Variants in BACH2 observed in about 807,000 individuals in gnomAD.
BACH2 encodes BACH transcriptional regulator 2, also known as transcription regulator protein BACH2.
Under a neutral mutation model 61.8 loss-of-function variants are expected in BACH2, and 5 were observed. The observed-to-expected ratio is 0.08, with a 90% CI of 0.04 to 0.17. The LOEUF is 0.17. BACH2 is among the 10% of genes least tolerant of loss of function. The pLI, the probability that BACH2 is intolerant of heterozygous loss-of-function variation, is 1.00. For synonymous variants in BACH2, 446 were observed against 440.1 expected (o/e 1.01, Z -0.17); for missense variants, 824 against 1,091.1 (o/e 0.76, Z 3.45).
intron 7 of BACH2, among the ~76,000 whole-genome samples, chr6:89,947,826 C>T (rs1773837369): frequency 6.6e-6 from 1 of 152,112 alleles, no homozygotes; most frequent in Non-Finnish European, 1.5e-5. Context: ...CCGCCTCGGC[C>T]TCCCAAAGTG....
chr6:89,957,006 A>G (rs1049482029), intron 6 of BACH2, among the ~76,000 whole-genome samples: 1 of 152,224 alleles, frequency 6.6e-6, no homozygotes, highest in Non-Finnish European at 1.5e-5. Context: ...AACACCATGT[A>G]CACTTTCCTG....
In BACH2 at chr6:90,008,815, G is replaced by T. The variant is rs749557818; in HGVS notation, c.30C>A (p.Pro10=). The change falls in exon 6 of 9, where the codon CCC becomes CCA. Residue 10 remains proline (P), a synonymous_variant. Transcript: ENST00000257749. This position sits in a 1 kb window ranked among gnomAD's most constrained non-coding sequence, Gnocchi z 4.1. Reference sequence around the variant, plus strand: ...GGACTGTGGACTCATACACATACATGGGGGAGTCAGGCTTCTCATCCACAG... The same window carrying T: ...GGACTGTGGACTCATACACATACATTGGGGAGTCAGGCTTCTCATCCACAG... MSVDEKPDS[P]MYVYESTVHC... is the part of the protein sequence containing the mutation. 2 of 1,613,972 alleles carry T rather than the reference G, an allele frequency of 1.2e-6. No homozygotes were observed. The highest frequency in any genetic ancestry group is 8.5e-7 in the Non-Finnish European group (1 of 1,180,014).
chr6:90,185,112 A>C lies in BACH2; in HGVS notation c.-162+21457T>G, dbSNP rs183751964. On this transcript the variant is annotated intron_variant, in intron 4 of 8. Coordinates refer to ENST00000257749, the MANE Select transcript of BACH2 (RefSeq NM_021813.4). The stretch of plus-strand genomic sequence containing the variant: ...GGAAGACTGCTATAAACAAATGTGC[A>C]TGTATGCATAGAGCCTGATAAGTCA... 3.4e-3 allele frequency among the ~76,000 whole-genome samples: 513 copies of C among 152,310 alleles called. 3 individuals are homozygous for C. The highest frequency in any genetic ancestry group is 5.9e-3 in the Non-Finnish European group (400 of 68,030).
rs896032955 is a variant in BACH2 at position 89,926,734 on chromosome 6, A to G, written c.*5674T>C. Reference sequence around the variant, plus strand: ...TAAAAATTCTTAGTTACAGAGAATAAGCATCAACAGCCTTTCATTTTTTAC... The same window carrying G: ...TAAAAATTCTTAGTTACAGAGAATAGGCATCAACAGCCTTTCATTTTTTAC... On this transcript the variant is annotated 3_prime_UTR_variant, in exon 9 of 9. Transcript: ENST00000257749. 2.6e-5 allele frequency: 4 copies of G among 152,678 alleles called. No homozygotes were observed. The highest frequency in any genetic ancestry group is 5.9e-5 in the Non-Finnish European group (4 of 68,048). 9.5% of individuals were successfully genotyped at this position (152,678 alleles called of 1,614,324 possible).
chr6:89,988,274 T>G (rs780916389), intron 6 of BACH2, among the ~76,000 whole-genome samples: 13 of 152,204 alleles, frequency 8.5e-5, no homozygotes, highest in Non-Finnish European at 1.6e-4. Flanking sequence ...TTATACAGCA[T>G]TTTTCCAGGC....
chr6:89,969,767 C>T (rs1775259084), intron 6 of BACH2, among the ~76,000 whole-genome samples: 1 of 152,152 alleles, frequency 6.6e-6, no homozygotes, highest in Non-Finnish European at 1.5e-5. Context: ...TGGGAAGAGG[C>T]TGACAGTGCT....
chr6:90,056,350 A>C (rs1007127274), intron 5 of BACH2, among the ~76,000 whole-genome samples: 25 of 152,152 alleles, frequency 1.6e-4, no homozygotes, highest in Non-Finnish European at 2.8e-4. Flanking sequence ...GACTTTAAAC[A>C]AACAAAGATC....
chr6:90,221,077 C>T (rs1769719406), intron 3 of BACH2, among the ~76,000 whole-genome samples: 1 of 152,060 alleles, frequency 6.6e-6, no homozygotes, highest in Non-Finnish European at 1.5e-5. Context: ...AAAAATGAAA[C>T]CTTTGGTATA....
In BACH2 at chr6:90,122,941, TG is replaced by T. The variant is rs748386824; in HGVS notation, c.-161-33833del. Among the ~76,000 whole-genome samples, 18 of 152,290 alleles carry T rather than the reference TG, an allele frequency of 1.2e-4. No homozygotes were observed. In the East Asian group the frequency reaches 2.3e-3, roughly 20 times the overall value. ...AACTTAACGGCAGAGAAAAGTAAAA[TG>T]GTAAATCTAGAATGTTTTGCTTAAC... On this transcript the variant is annotated intron_variant, in intron 4 of 8. Coordinates refer to ENST00000257749, the MANE Select transcript of BACH2 (RefSeq NM_021813.4).
intron 6 of BACH2, among the ~76,000 whole-genome samples, chr6:89,975,917 G>A (rs1775625188): frequency 6.6e-6 from 1 of 152,168 alleles, no homozygotes; most frequent in Non-Finnish European, 1.5e-5. Context: ...TGTGTTTCAG[G>A]AGAAAAACAA....
intron 5 of BACH2, among the ~76,000 whole-genome samples, chr6:90,083,557 C>T (rs1043957241): frequency 2.6e-5 from 4 of 151,936 alleles, no homozygotes; most frequent in South Asian, 2.1e-4. Context: ...AAAAGTATGC[C>T]GTTGGTTCCC....
intron 4 of BACH2, among the ~76,000 whole-genome samples, chr6:90,155,834 C>T (rs1361989953): frequency 6.6e-6 from 1 of 152,176 alleles, no homozygotes; most frequent in African/African-American, 2.4e-5. Context: ...GTTTTGTTCA[C>T]AGACACATCC....
At chr6:90,188,798 T>G (rs1768452911) in intron 4 of BACH2, among the ~76,000 whole-genome samples, 1 of 146,692 alleles carries the variant, frequency 6.8e-6, no homozygotes, top group Admixed American at 6.8e-5. Context: ...GGACTGAGTA[T>G]TTACGTTTTT....
chr6:90,235,624 C>T (rs566691524), intron 3 of BACH2, among the ~76,000 whole-genome samples: 39 of 152,214 alleles, frequency 2.6e-4, no homozygotes, highest in African/African-American at 8.9e-4. Flanking sequence ...GGAGTTTGAG[C>T]CTGGGCGATA....
At chr6:90,216,767 T>C (rs1366252932) in intron 3 of BACH2, among the ~76,000 whole-genome samples, 6 of 152,122 alleles carry the variant, frequency 3.9e-5, no homozygotes, top group Admixed American at 3.3e-4. Flanking sequence ...AGTGGTTTTG[T>C]CTCCCAGGGG....
chr6:90,116,470 CAATG>C (rs1783403358), intron 4 of BACH2, among the ~76,000 whole-genome samples: 3 of 151,976 alleles, frequency 2.0e-5, no homozygotes, highest in Admixed American at 2.0e-4. Flanking sequence ...AAGAAGGAAA[CAATG>C]AACACTGGGG....
chr6:90,031,327 C>T (rs1449964555), intron 5 of BACH2, among the ~76,000 whole-genome samples: 1 of 152,234 alleles, frequency 6.6e-6, no homozygotes, highest in South Asian at 2.1e-4. Context: ...CACTCCTATT[C>T]AACATAGTGT....
At chr6:90,004,838 A>T (rs140346502) in intron 6 of BACH2, among the ~76,000 whole-genome samples, 2 of 152,312 alleles carry the variant, frequency 1.3e-5, no homozygotes, top group Admixed American at 1.3e-4. Context: ...TATAAAATTG[A>T]ATGATCTGCT....
chr6:90,192,093 C>A (rs528002198), intron 4 of BACH2, among the ~76,000 whole-genome samples: 4 of 152,254 alleles, frequency 2.6e-5, no homozygotes, highest in Non-Finnish European at 5.9e-5. Context: ...AGTAACAGAA[C>A]AATAAGACAG....
Sources: allele counts gnomAD v4.1 joint callset (sites outside exome capture counted in the v4.1 genomes callset), GRCh38; gene constraint gnomAD v4.1.1; non-coding constraint Gnocchi (gnomAD v3.1); transcripts MANE v1.5; gene names NCBI Gene and HGNC (gene_info 2026-07-23, HGNC 2026-07-21).